Variants in CADPS2 observed in about 807,000 individuals in gnomAD.
The protein encoded by CADPS2 is calcium-dependent secretion activator 2.
CADPS2 carries 93 observed loss-of-function variants against 172.5 expected under a neutral mutation model. The observed-to-expected ratio is 0.54, with a 90% CI of 0.46 to 0.64. CADPS2 has a LOEUF of 0.64. Among genes scored for constraint, CADPS2 ranks in the 30% least tolerant of loss-of-function variants. CADPS2 has a pLI of 0.00. For synonymous variants in CADPS2, 546 were observed against 555.2 expected (o/e 0.98, Z 0.23); for missense variants, 1,420 against 1,565.9 (o/e 0.91, Z 1.57).
At chr7:122,764,346 A>AT (rs2093480796) in intron 1 of CADPS2, among the ~76,000 whole-genome samples, 1 of 152,164 alleles carries the variant, frequency 6.6e-6, no homozygotes, top group Non-Finnish European at 1.5e-5. Flanking sequence ...TCCTATTTAT[A>AT]ACTGTATCCT....
chr7:122,387,741 T>A (rs1437918672), intron 23 of CADPS2, among the ~76,000 whole-genome samples: 1 of 152,044 alleles, frequency 6.6e-6, no homozygotes, highest in African/African-American at 2.4e-5. Flanking sequence ...TTGGAATTGG[T>A]TTTGCTGAAG....
intron 2 of CADPS2, among the ~76,000 whole-genome samples, chr7:122,670,195 C>T (rs34148286): frequency 0.051 from 7,786 of 151,870 alleles, 256 homozygotes; most frequent in African/African-American, 0.059. Context: ...TATATAAACA[C>T]TGATCATTTA....
intron 20 of CADPS2, among the ~76,000 whole-genome samples, chr7:122,401,601 C>T (rs779592029): frequency 2.0e-5 from 3 of 152,278 alleles, no homozygotes; most frequent in Non-Finnish European, 2.9e-5. Flanking sequence ...ATTGAACCAT[C>T]GTGCCAATTA....
At chr7:122,548,496 A>C (rs2063856624) in intron 8 of CADPS2, among the ~76,000 whole-genome samples, 1 of 152,224 alleles carries the variant, frequency 6.6e-6, no homozygotes, top group Admixed American at 6.5e-5. Flanking sequence ...TGAGATCAAC[A>C]ATGTATCATA....
intron 1 of CADPS2, among the ~76,000 whole-genome samples, chr7:122,822,172 C>A (rs975849201): frequency 1.3e-4 from 20 of 151,056 alleles, no homozygotes; most frequent in African/African-American, 4.4e-4. Flanking sequence ...GAGGGCAGGA[C>A]TATGCTGAAT....
Position 122,606,817 on chromosome 7 carries a change from A to C in CADPS2, c.1223+8364T>G, listed in dbSNP as rs903831201. ...ACCTTATTTGAGCTATCTGTTAAGGAAATGAAATTTAAGCAGAAAGAGGAC... is the reference window on the plus strand; with the variant it reads ...ACCTTATTTGAGCTATCTGTTAAGGCAATGAAATTTAAGCAGAAAGAGGAC... On this transcript the variant is annotated intron_variant, in intron 6 of 29. Coordinates refer to ENST00000449022, the MANE Select transcript of CADPS2 (RefSeq NM_017954.11). Among the ~76,000 whole-genome samples the C allele has an allele frequency of 8.5e-5, 13 of 152,232 alleles. 1 individual carries two copies. In the South Asian group the frequency reaches 2.5e-3, roughly 29 times the overall value.
At chr7:122,412,226 C>T (rs2047396893) in intron 19 of CADPS2, among the ~76,000 whole-genome samples, 1 of 152,088 alleles carries the variant, frequency 6.6e-6, no homozygotes, top group Non-Finnish European at 1.5e-5. Flanking sequence ...ATCCAGATAT[C>T]AACAATGTGT....
intron 7 of CADPS2, among the ~76,000 whole-genome samples, chr7:122,571,988 T>C (rs186902083): frequency 8.5e-5 from 13 of 152,270 alleles, no homozygotes; most frequent in Admixed American, 2.0e-4. Flanking sequence ...TCCTTAACTC[T>C]CACAGACAAA....
chr7:122,838,314 G>C (rs531806581), intron 1 of CADPS2, among the ~76,000 whole-genome samples: 1 of 152,246 alleles, frequency 6.6e-6, no homozygotes, highest in East Asian at 1.9e-4. Context: ...CAAACCCACA[G>C]CCAATATTAT....
At chr7:122,692,710 C>T (rs1057332058) in intron 2 of CADPS2, among the ~76,000 whole-genome samples, 9 of 152,216 alleles carry the variant, frequency 5.9e-5, no homozygotes, top group Middle Eastern at 3.2e-3. Context: ...AGGGTCCAGC[C>T]CCTGCTGAGG....
chr7:122,742,782 A>T (rs545695281), intron 1 of CADPS2, among the ~76,000 whole-genome samples: 2 of 152,288 alleles, frequency 1.3e-5, no homozygotes, highest in Admixed American at 1.3e-4. Flanking sequence ...TTATTTTGGA[A>T]TTCTGATTCC....
In CADPS2 at chr7:122,797,294, T is replaced by G. The variant is rs1325731807; in HGVS notation, c.340-60226A>C. ...CATTGTGGAACACAGTGTGGCAATT[T>G]CTCAATGACCTAAAAACAGAACTAT... On this transcript the variant is annotated intron_variant, in intron 1 of 29. Transcript: ENST00000449022. 2.0e-5 allele frequency among the ~76,000 whole-genome samples: 3 copies of G among 152,280 alleles called. No individual in the cohort carries two copies. The East Asian group carries it at 5.8e-4, about 29-fold the overall frequency.
At chr7:122,703,180 T>C (rs2086441367) in intron 2 of CADPS2, among the ~76,000 whole-genome samples, 1 of 152,170 alleles carries the variant, frequency 6.6e-6, no homozygotes, top group Non-Finnish European at 1.5e-5. Context: ...GTTTCTTCCT[T>C]AGTTCTGGAG....
At chr7:122,425,812 T>C (rs2049103786) in intron 17 of CADPS2, 1 of 152,222 alleles carries the variant, frequency 6.6e-6, no homozygotes, top group Admixed American at 6.5e-5. Context: ...GCATCTTTAG[T>C]ATCATGCCTA....
intron 17 of CADPS2, among the ~76,000 whole-genome samples, chr7:122,422,967 T>TAAATAA (rs890216240): frequency 6.6e-6 from 1 of 151,770 alleles, no homozygotes; most frequent in Non-Finnish European, 1.5e-5. Context: ...TCAAAATAAA[T>TAAATAA]AAATAAAAAT....
intron 15 of CADPS2, among the ~76,000 whole-genome samples, chr7:122,444,743 C>T (rs866721840): frequency 5.3e-5 from 8 of 152,192 alleles, no homozygotes; most frequent in South Asian, 2.1e-4. Flanking sequence ...TCCTATTCTG[C>T]GACTTAACTT....
intron 25 of CADPS2, among the ~76,000 whole-genome samples, chr7:122,362,222 A>T (rs1324618389): frequency 6.6e-6 from 1 of 152,224 alleles, no homozygotes; most frequent in Non-Finnish European, 1.5e-5. Flanking sequence ...GGCAGTTCTA[A>T]TTGGCACATA....
chr7:122,349,466 T>C (rs1002287521), intron 27 of CADPS2, among the ~76,000 whole-genome samples: 2 of 152,122 alleles, frequency 1.3e-5, no homozygotes, highest in Admixed American at 6.5e-5. Context: ...AATCTCTAAA[T>C]GAAAATAGTA....
intron 8 of CADPS2, among the ~76,000 whole-genome samples, chr7:122,519,134 G>T (rs2060595045): frequency 6.6e-6 from 1 of 152,026 alleles, no homozygotes; most frequent in South Asian, 2.1e-4. Context: ...TTTGATCCAA[G>T]AATTATTTGA....
Sources: gnomAD v4.1 joint callset for allele counts (sites outside exome capture counted in the v4.1 genomes callset) on GRCh38, gnomAD v4.1.1 for gene constraint, MANE v1.5 for transcripts, NCBI Gene and HGNC (gene_info 2026-07-23, HGNC 2026-07-21) for gene names.